Variants in CRABP1 observed in about 807,000 individuals in gnomAD.
The protein encoded by CRABP1 is cellular retinoic acid binding protein 1.
A neutral mutation model predicts 16.4 loss-of-function variants in CRABP1; 9 were observed. The ratio of observed to expected loss-of-function variants is 0.55; its 90% CI spans 0.33 to 0.96. The LOEUF is 0.96. Ranked by LOEUF, CRABP1 falls within the 40% of genes least tolerant of loss-of-function variation. The probability of loss-of-function intolerance (pLI) is 0.03; values close to 1 mark genes in which losing one functional copy is unlikely to be tolerated. For missense variants in CRABP1, 157 were observed against 186.0 expected (o/e 0.84, Z 0.91); for synonymous variants, 72 against 70.4 (o/e 1.02, Z -0.11).
chr15:78,347,773 C>A, intron 3 of CRABP1, 154 bp from the exon 4 acceptor site: 2 of 699,942 alleles, frequency 2.9e-6, no homozygotes, highest in Non-Finnish European at 5.0e-6. Flanking sequence ...AAAAAATATC[C>A]CTTAATGCTT....
Position 78,343,588 on chromosome 15 carries a change from G to C in CRABP1, c.339G>C (p.Glu113Asp), listed in dbSNP as rs1248853141. ...GDGPKTYWTR[E>D]LANDELILTF... ...GCCCCAAAACCTACTGGACCCGTGAGCTGGCCAACGATGAACTTATCCTGG... is the reference window on the plus strand; with the variant it reads ...GCCCCAAAACCTACTGGACCCGTGACCTGGCCAACGATGAACTTATCCTGG... Residue 113 changes from glutamate to aspartate, a missense_variant, in exon 3 of 4, where the codon GAG (glutamate) becomes GAC (aspartate). Glu to Asp is a conservative substitution (Grantham distance 45). Coordinates refer to ENST00000299529, the MANE Select transcript of CRABP1 (RefSeq NM_004378.3). The C allele has an allele frequency of 6.2e-7, 1 of 1,614,164 alleles. No individual in the cohort carries two copies. Among genetic ancestry groups the C allele is most frequent in the Non-Finnish European group, 8.5e-7 (1 of 1,180,018 alleles).
chr15:78,347,771 T>C, intron 3 of CRABP1, 156 bp from the exon 4 acceptor site: 1 of 676,296 alleles, frequency 1.5e-6, no homozygotes, highest in Non-Finnish European at 2.6e-6. Flanking sequence ...GGAAAAAATA[T>C]CCCTTAATGC....
At chr15:78,346,302 T>C (rs182452446) in intron 3 of CRABP1, among the ~76,000 whole-genome samples, 6 of 152,178 alleles carry the variant, frequency 3.9e-5, no homozygotes, top group African/African-American at 9.6e-5. Flanking sequence ...TTCTTCCCAA[T>C]AGAGAAGAGG....
chr15:78,340,982 G>T lies in CRABP1; in HGVS notation c.71-61G>T. The T allele has an allele frequency of 2.6e-6, 4 of 1,538,632 alleles. No homozygotes were observed. The South Asian group carries it at 3.6e-5, about 14-fold the overall frequency. Reference sequence around the variant, plus strand: ...TAAAGTTAGGGTATGACCAGTGCCCGACCGGTCCCGAGACTGGCGGCGAGG... The same window carrying T: ...TAAAGTTAGGGTATGACCAGTGCCCTACCGGTCCCGAGACTGGCGGCGAGG... On this transcript the variant is annotated intron_variant, in intron 1 of 3. Coordinates refer to ENST00000299529, the MANE Select transcript of CRABP1 (RefSeq NM_004378.3).
rs114283024 is a variant in CRABP1 at position 78,346,255 on chromosome 15, A to G, written c.364-1672A>G. Among the ~76,000 whole-genome samples the G allele has an allele frequency of 2.1e-3, 327 of 152,310 alleles. 1 individual carries two copies. The highest frequency in any genetic ancestry group is 7.5e-3 in the African/African-American group (313 of 41,562). On this transcript the variant is annotated intron_variant, in intron 3 of 3. Coordinates refer to ENST00000299529, the MANE Select transcript of CRABP1 (RefSeq NM_004378.3). ...GAGGTAGACTTACGGTGGGAAAGTC[A>G]AGCCCCACACCCCCTAGCATGCAGA...
chr15:78,340,407 T>TGCCGCCGCC lies in CRABP1; in HGVS notation c.-18_-10dup. 6.3e-7 allele frequency: 1 copy of TGCCGCCGCC among 1,577,318 alleles called. No individual in the cohort carries two copies. The highest frequency in any genetic ancestry group is 1.2e-5 in the South Asian group (1 of 86,200). On this transcript the variant is annotated 5_prime_UTR_variant, in exon 1 of 4. Transcript: ENST00000299529. Reference sequence around the variant, plus strand: ...CCGCTGCGCCGCCGCTGTCCGTACCTGCCGCCGCCGCCACCGCCACCATGC... The same window carrying TGCCGCCGCC: ...CCGCTGCGCCGCCGCTGTCCGTACCTGCCGCCGCCGCCGCCGCCGCCACCGCCACCATGC...
rs17851967 is a variant in CRABP1 at position 78,343,584 on chromosome 15, G to T, written c.335G>T (p.Arg112Leu). The change falls in exon 3 of 4, where the codon CGT becomes CTT. Residue 112 changes from arginine to leucine, a missense_variant. Transcript: ENST00000299529. ...GACGGCCCCAAAACCTACTGGACCCGTGAGCTGGCCAACGATGAACTTATC... is the reference window on the plus strand; with the variant it reads ...GACGGCCCCAAAACCTACTGGACCCTTGAGCTGGCCAACGATGAACTTATC... Reference protein sequence around the residue: ...EGDGPKTYWTRELANDELILT... With the variant: ...EGDGPKTYWTLELANDELILT... 3.1e-6 allele frequency: 5 copies of T among 1,614,132 alleles called. No homozygotes were observed. The highest frequency in any genetic ancestry group is 1.3e-5 in the African/African-American group (1 of 75,056).
chr15:78,340,627 T>C, intron 1 of CRABP1, 129 bp downstream of exon 1: 1 of 1,026,860 alleles, frequency 9.7e-7, no homozygotes, highest in African/African-American at 1.6e-5. Flanking sequence ...CCCGGGGCAA[T>C]AGATCGCCTT....
rs373989417 is a variant in CRABP1, at chr15:78,347,943, A to G, written c.380A>G (p.Asp127Gly). 1 of 1,614,108 alleles carries G rather than the reference A, an allele frequency of 6.2e-7. No individual in the cohort carries two copies. Among genetic ancestry groups the G allele is most frequent in the Non-Finnish European group, 8.5e-7 (1 of 1,180,028 alleles). Residue 127 changes from aspartate (D) to glycine (G), a missense_variant, in exon 4 of 4, where the codon GAC becomes GGC. By Grantham distance (94) the Asp-to-Gly change is moderately conservative. Transcript: ENST00000299529. ...TCTCTGCAGACGTTTGGCGCCGATGACGTGGTCTGCACCAGAATTTATGTC... is the reference window on the plus strand; with the variant it reads ...TCTCTGCAGACGTTTGGCGCCGATGGCGTGGTCTGCACCAGAATTTATGTC... The part of the protein sequence containing the change: ...DELILTFGAD[D>G]VVCTRIYVRE
rs377695187 is a variant in CRABP1 at position 78,341,105 on chromosome 15, C to A, written c.133C>A (p.Arg45Ser). 2.5e-6 allele frequency: 4 copies of A among 1,612,860 alleles called. No individual in the cohort carries two copies. The highest frequency in any genetic ancestry group is 1.3e-5 in the African/African-American group (1 of 74,990). Residue 45 changes from arginine (R) to serine (S), a missense_variant, in exon 2 of 4, where the codon CGC (arginine) becomes AGC (serine). Coordinates refer to ENST00000299529, the MANE Select transcript of CRABP1 (RefSeq NM_004378.3). The surrounding 1 kb of genome is among the most constrained non-coding windows in gnomAD (Gnocchi z 5.3). ...TGCGTCCAAGCCGCACGTGGAGATC[C>A]GCCAGGACGGGGATCAGTTCTACAT... ...AAASKPHVEI[R>S]QDGDQFYIKT...
intron 2 of CRABP1, among the ~76,000 whole-genome samples, chr15:78,342,225 G>A (rs2050239456): frequency 6.6e-6 from 1 of 151,982 alleles, no homozygotes. Context: ...TGGAGGGGGT[G>A]GGATCTGAAG....
Position 78,340,372 on chromosome 15 carries a change from CAG to C in CRABP1, c.-54_-53del, listed in dbSNP as rs1446782678. ...AGCGCCAGTCTCCGCCTTGCGAGCT[CAG>C]AGTGTGCCCGCTGCGCCGCCGCTGT... On this transcript the variant is annotated 5_prime_UTR_variant, in exon 1 of 4. Coordinates refer to ENST00000299529, the MANE Select transcript of CRABP1 (RefSeq NM_004378.3). 15 of 1,549,084 alleles carry C rather than the reference CAG, an allele frequency of 9.7e-6. No homozygotes were observed. Among genetic ancestry groups the C allele is most frequent in the African/African-American group, 6.8e-5 (5 of 73,328 alleles).
At chr15:78,347,840 C>T (rs1358788935) in intron 3 of CRABP1, 87 bp from the exon 4 acceptor site, 2 of 1,183,706 alleles carry the variant, frequency 1.7e-6, no homozygotes, top group Non-Finnish European at 2.5e-6. Flanking sequence ...TTTAACAGGG[C>T]AATAAGTGGC....
intron 1 of CRABP1, 118 bp from the exon 2 acceptor site, chr15:78,340,925 G>A: frequency 1.9e-6 from 2 of 1,058,908 alleles, no homozygotes; most frequent in Non-Finnish European, 2.7e-6. Flanking sequence ...CGAGGGCAGG[G>A]AAACGAGTGG....
intron 2 of CRABP1, among the ~76,000 whole-genome samples, chr15:78,342,495 T>G (rs1227714887): frequency 6.6e-6 from 1 of 152,048 alleles, no homozygotes; most frequent in African/African-American, 2.4e-5. Flanking sequence ...ACTGATTATG[T>G]GCACATTCAG....
chr15:78,341,921 T>C lies in CRABP1; in HGVS notation c.249+700T>C, dbSNP rs1555444200. Among the ~76,000 whole-genome samples, 1 of 152,190 alleles carries C rather than the reference T, an allele frequency of 6.6e-6. No homozygotes were observed. The highest frequency in any genetic ancestry group is 1.5e-5 in the Non-Finnish European group (1 of 68,026). ...TTTTTGCATGGGCAAAAATTGCATT[T>C]GGTTAACCAGATGGAAAAATAATCA... On this transcript the variant is annotated intron_variant, in intron 2 of 3. Transcript: ENST00000299529. This position sits in a 1 kb window ranked among gnomAD's most constrained non-coding sequence, Gnocchi z 5.3.
chr15:78,340,975 A>G (rs1039181304), intron 1 of CRABP1, 68 bp from the exon 2 acceptor site: 45 of 1,500,512 alleles, frequency 3.0e-5, no homozygotes, highest in Non-Finnish European at 8.1e-6. Context: ...GGGTATGACC[A>G]GTGCCCGACC....
In CRABP1 at chr15:78,343,954, C is replaced by T. The variant is rs543282673; in HGVS notation, c.363+342C>T. On this transcript the variant is annotated intron_variant, in intron 3 of 3. Transcript: ENST00000299529. Reference sequence around the variant, plus strand: ...ATGCTTAGGCTCTATGAGGTCCCCACGCTCACATGGCAGAAGGGATTTTTT... The same window carrying T: ...ATGCTTAGGCTCTATGAGGTCCCCATGCTCACATGGCAGAAGGGATTTTTT... Among the ~76,000 whole-genome samples, 7 of 152,324 alleles carry T rather than the reference C, an allele frequency of 4.6e-5. No homozygotes were observed. In the East Asian group the frequency reaches 5.8e-4, roughly 13 times the overall value.
At chr15:78,343,702 G>A (rs538495216) in intron 3 of CRABP1, 90 bp downstream of exon 3, 85 of 898,720 alleles carry the variant, frequency 9.5e-5, no homozygotes, top group African/African-American at 6.6e-4. Context: ...TCACTCGGCC[G>A]TTCAGAGAAA....
Sources: allele counts gnomAD v4.1 joint callset (sites outside exome capture counted in the v4.1 genomes callset), GRCh38; gene constraint gnomAD v4.1.1; non-coding constraint Gnocchi (gnomAD v3.1); transcripts MANE v1.5; gene names NCBI Gene and HGNC (gene_info 2026-07-23, HGNC 2026-07-21).